The following KCNN2 variants were observed in gnomAD, a reference collection of about 807,000 sequenced individuals.
KCNN2 encodes the protein potassium calcium-activated channel subfamily N member 2.
In KCNN2, 24 loss-of-function variants were observed where a neutral mutation model predicts 55.5. The observed-to-expected ratio is 0.43, with a 90% CI of 0.31 to 0.61. KCNN2 has a LOEUF of 0.61. Ranked by LOEUF, KCNN2 falls within the 20% of genes least tolerant of loss-of-function variation. The pLI is 0.08. For missense variants in KCNN2, 754 were observed against 853.6 expected (o/e 0.88, Z 1.45); for synonymous variants, 431 against 336.1 (o/e 1.28, Z -3.09).
intron 2 of KCNN2, among the ~76,000 whole-genome samples, chr5:114,352,365 C>A (rs998756710): frequency 2.0e-5 from 3 of 150,740 alleles, no homozygotes; most frequent in African/African-American, 7.3e-5. Context: ...TTTTATTGAT[C>A]TTTTCAAAAA....
chr5:114,344,525 A>G (rs1006121632), intron 2 of KCNN2, among the ~76,000 whole-genome samples: 7 of 152,218 alleles, frequency 4.6e-5, no homozygotes, highest in African/African-American at 1.4e-4. Context: ...TTGGGGCATC[A>G]TTACATAGAC....
At chr5:114,357,552 TG>T (rs1395260176), upstream of KCNN2, among the ~76,000 whole-genome samples, 2 of 129,368 alleles carry the variant, frequency 1.5e-5, no homozygotes, top group Non-Finnish European at 1.6e-5. Context: ...ATGCGGTGTT[TG>T]GTTTTTTGTT....
chr5:114,214,736 T>C (rs1753967412), intron 1 of KCNN2, among the ~76,000 whole-genome samples: 1 of 152,140 alleles, frequency 6.6e-6, no homozygotes, highest in African/African-American at 2.4e-5. Context: ...ATAATCAATA[T>C]TTATAATTTG....
intron 1 of KCNN2, among the ~76,000 whole-genome samples, chr5:114,134,099 G>T (rs533732582): frequency 6.6e-6 from 1 of 152,160 alleles, no homozygotes; most frequent in East Asian, 1.9e-4. Context: ...TTTATCTTGA[G>T]ATATTATTTT....
chr5:114,405,426 C>T (rs548273314), intron 3 of KCNN2, among the ~76,000 whole-genome samples: 1 of 152,156 alleles, frequency 6.6e-6, no homozygotes, highest in Non-Finnish European at 1.5e-5. Flanking sequence ...ATGTCTGCAG[C>T]GCTCTGGTGG....
At chr5:114,409,117 C>T (rs1759038674) in intron 3 of KCNN2, among the ~76,000 whole-genome samples, 1 of 152,172 alleles carries the variant, frequency 6.6e-6, no homozygotes. Context: ...GGCCAAACAT[C>T]TCATGTCTTT....
chr5:114,295,389 G>A (rs372822735), intron 2 of KCNN2, among the ~76,000 whole-genome samples: 4 of 152,208 alleles, frequency 2.6e-5, no homozygotes, highest in South Asian at 2.1e-4. Context: ...TTACCTCATC[G>A]AGCCTGGGCA....
chr5:114,093,718 A>T (rs1175337145), intron 1 of KCNN2, among the ~76,000 whole-genome samples: 1 of 152,196 alleles, frequency 6.6e-6, no homozygotes, highest in Non-Finnish European at 1.5e-5. Flanking sequence ...CCAAACTCTT[A>T]TATAACCATT....
chr5:114,106,997 A>G (rs1176946815), intron 1 of KCNN2, among the ~76,000 whole-genome samples: 1 of 152,076 alleles, frequency 6.6e-6, no homozygotes, highest in African/African-American at 2.4e-5. Context: ...TACAAGCTTT[A>G]TAATTTTACC....
Position 114,216,117 on chromosome 5 carries a change from C to T in KCNN2, c.-270-5363C>T, listed in dbSNP as rs553576200. On this transcript the variant is annotated intron_variant, in intron 1 of 10. Coordinates refer to the KCNN2 transcript ENST00000512097. ...TTTCCAAAGGTTTTTAATTTAATAA[C>T]TCACTTTTCTTAATCAGTGATTTTC... Among the ~76,000 whole-genome samples, 3 of 152,198 alleles carry T rather than the reference C, an allele frequency of 2.0e-5. No homozygotes were observed. In the South Asian group the frequency reaches 6.2e-4, roughly 32 times the overall value.
At chr5:114,426,160 C>CAA (rs532770366) in intron 3 of KCNN2, among the ~76,000 whole-genome samples, 2 of 148,188 alleles carry the variant, frequency 1.3e-5, no homozygotes, top group African/African-American at 4.9e-5. Flanking sequence ...CACCCTGTCT[C>CAA]AAAAAAAAAA....
chr5:114,151,106 A>T (rs377672962), intron 1 of KCNN2, among the ~76,000 whole-genome samples: 2 of 150,556 alleles, frequency 1.3e-5, no homozygotes, highest in Admixed American at 6.6e-5. Context: ...TTGTTTTTGA[A>T]TTTTTTTTTT....
At chr5:114,346,487 T>C (rs1757104957) in intron 2 of KCNN2, among the ~76,000 whole-genome samples, 1 of 152,146 alleles carries the variant, frequency 6.6e-6, no homozygotes, top group African/African-American at 2.4e-5. Flanking sequence ...TTGTGAGTAA[T>C]GAGGGCCAGA....
intron 2 of KCNN2, among the ~76,000 whole-genome samples, chr5:114,375,910 C>G (rs1410184985): frequency 7.1e-6 from 1 of 140,038 alleles, no homozygotes; most frequent in Non-Finnish European, 1.5e-5. Flanking sequence ...TATTCACTGG[C>G]TCTTGTGGAG....
At chr5:114,488,180 C>T (rs1451289362) in intron 6 of KCNN2, among the ~76,000 whole-genome samples, 1 of 152,136 alleles carries the variant, frequency 6.6e-6, no homozygotes, top group Non-Finnish European at 1.5e-5. Context: ...AAATAGATAT[C>T]ACTGAAAATG....
intron 2 of KCNN2, among the ~76,000 whole-genome samples, chr5:114,347,102 A>T (rs528574545): frequency 6.6e-6 from 1 of 152,364 alleles, no homozygotes; most frequent in Admixed American, 6.5e-5. Context: ...TTAAAATATA[A>T]TTTAGCTAAT....
At chr5:114,249,869 G>C (rs1001672190) in intron 2 of KCNN2, among the ~76,000 whole-genome samples, 2 of 152,082 alleles carry the variant, frequency 1.3e-5, no homozygotes, top group African/African-American at 4.8e-5. Context: ...TGCAGGTAAG[G>C]ATAAATATGC....
intron 1 of KCNN2, among the ~76,000 whole-genome samples, chr5:114,106,658 TTGGTCATTTGGATGTC>T: frequency 6.6e-6 from 1 of 151,214 alleles, no homozygotes; most frequent in Non-Finnish European, 1.5e-5. Context: ...TTTTTTTTTT[TTGGTCATTTGGATGTC>T]TTTTTGTGTG....
At chr5:114,151,874 A>G (rs962923589) in intron 1 of KCNN2, among the ~76,000 whole-genome samples, 41 of 152,224 alleles carry the variant, frequency 2.7e-4, no homozygotes, top group Non-Finnish European at 5.6e-4. Flanking sequence ...GAAATAGGAA[A>G]TGAAAATATG....
Sources: allele counts gnomAD v4.1 joint callset (sites outside exome capture counted in the v4.1 genomes callset), GRCh38; gene constraint gnomAD v4.1.1; transcripts MANE v1.5; gene names NCBI Gene and HGNC (gene_info 2026-07-23, HGNC 2026-07-21).